BBS4: variants seen among roughly 807,000 people sequenced by gnomAD.
The protein encoded by BBS4 is BBSome complex member BBS4.
In BBS4, 58 loss-of-function variants were observed where a neutral mutation model predicts 71.4. That is an observed-to-expected ratio of 0.81 (90% CI 0.66 to 1.01). BBS4 has a LOEUF of 1.01. Among genes scored for constraint, BBS4 ranks in the 50% least tolerant of loss-of-function variants. BBS4 has a pLI of 0.00. For synonymous variants in BBS4, 228 were observed against 216.8 expected, an observed-to-expected ratio of 1.05 and a Z score of -0.46; for missense variants, 660 against 607.9, an observed-to-expected ratio of 1.09 and a Z score of -0.90.
At chr15:72,731,802 AG>A (rs2065830969) in intron 12 of BBS4, 76 bp downstream of exon 12, 9 of 1,566,422 alleles carry the variant, frequency 5.7e-6, no homozygotes, top group Middle Eastern at 1.7e-4. Flanking sequence ...ATAGAAGATC[AG>A]TGGCTGTCTC....
intron 10 of BBS4, among the ~76,000 whole-genome samples, chr15:72,730,422 C>T (rs1224867261): frequency 3.9e-5 from 6 of 151,948 alleles, no homozygotes; most frequent in Non-Finnish European, 8.8e-5. Flanking sequence ...CATAGTGAGA[C>T]CCCCATTTCT....
chr15:72,712,899 T>G (rs1333659474), intron 4 of BBS4, among the ~76,000 whole-genome samples: 2 of 152,242 alleles, frequency 1.3e-5, no homozygotes, highest in Non-Finnish European at 1.5e-5. Flanking sequence ...CTTTTTACTT[T>G]ATAAACTTTA....
rs190650988 is a variant in BBS4, at chr15:72,699,917, T to C, written c.76+4689T>C. On this transcript the variant is annotated intron_variant, in intron 2 of 15. Coordinates refer to ENST00000268057, the MANE Select transcript of BBS4 (RefSeq NM_033028.5). ...ATGAGTATTTGCAATGTTTCCAGTTTTTGAGTACTGTGAAAGTTTCTATGA... is the reference window on the plus strand; with the variant it reads ...ATGAGTATTTGCAATGTTTCCAGTTCTTGAGTACTGTGAAAGTTTCTATGA... Among the ~76,000 whole-genome samples, 125 of 152,292 alleles carry C rather than the reference T, an allele frequency of 8.2e-4. 1 individual carries two copies. Among genetic ancestry groups the C allele is most frequent in the African/African-American group, 2.9e-3 (120 of 41,566 alleles).
At chr15:72,719,565 A>C (rs747255546) in intron 6 of BBS4, among the ~76,000 whole-genome samples, 4 of 151,876 alleles carry the variant, frequency 2.6e-5, no homozygotes, top group African/African-American at 7.3e-5. Context: ...ACTGAGCAGA[A>C]GAAGAGAACC....
At chr15:72,688,200 C>T (rs1385082052) in intron 1 of BBS4, among the ~76,000 whole-genome samples, 1 of 151,812 alleles carries the variant, frequency 6.6e-6, no homozygotes, top group Non-Finnish European at 1.5e-5. Flanking sequence ...TCTGTGACGG[C>T]AGAATTGTCA....
intron 9 of BBS4, 53 bp from the exon 10 acceptor site, chr15:72,729,563 T>C (rs2065771560): frequency 1.3e-6 from 2 of 1,574,568 alleles, no homozygotes; most frequent in Admixed American, 3.3e-5. Context: ...CCAGACTCTT[T>C]TAACTGCCGT....
At chr15:72,687,498 G>A (rs1206107225) in intron 1 of BBS4, among the ~76,000 whole-genome samples, 1 of 151,656 alleles carries the variant, frequency 6.6e-6, no homozygotes, top group African/African-American at 2.4e-5. Context: ...CAGGTACCTG[G>A]AAGGCTGAGG....
chr15:72,700,939 G>A (rs1484759400), intron 2 of BBS4, among the ~76,000 whole-genome samples: 3 of 151,864 alleles, frequency 2.0e-5, no homozygotes, highest in Admixed American at 6.6e-5. Context: ...GTCTAATTTG[G>A]CTCAATCAGT....
intron 7 of BBS4, among the ~76,000 whole-genome samples, chr15:72,723,163 T>C (rs1011569514): frequency 7.2e-5 from 11 of 152,198 alleles, no homozygotes; most frequent in African/African-American, 2.7e-4. Flanking sequence ...TATCAAAAAG[T>C]GGACCCTTAA....
At chr15:72,713,361 G>A (rs371111534) in intron 4 of BBS4, among the ~76,000 whole-genome samples, 3,926 of 103,300 alleles carry the variant, frequency 0.038, 56 homozygotes, top group Non-Finnish European at 0.053. Flanking sequence ...GCACACGCAC[G>A]CACGCACTGG....
rs771953043 is a variant in BBS4, at chr15:72,737,585, TAAGAA to T, written c.1559_*3del. Reference sequence around the variant, plus strand: ...AACATCAGAACAAATAAGAGAGAAATAAGAATAGAATGAATGACCCCAAAATAGGG... The same window carrying T: ...AACATCAGAACAAATAAGAGAGAAATTAGAATGAATGACCCCAAAATAGGG... On this transcript the variant is annotated stop_lost and 3_prime_UTR_variant, in exon 16 of 16. Coordinates refer to ENST00000268057, the MANE Select transcript of BBS4 (RefSeq NM_033028.5). The T allele has an allele frequency of 1.9e-6, 3 of 1,601,682 alleles. No homozygotes were observed. Among genetic ancestry groups the T allele is most frequent in the Admixed American group, 1.7e-5 (1 of 58,694 alleles).
chr15:72,704,567 G>C (rs967238050), intron 2 of BBS4: 1 of 686,256 alleles, frequency 1.5e-6, no homozygotes. Context: ...ATGATAAGTA[G>C]ATAATAATGG....
intron 6 of BBS4, among the ~76,000 whole-genome samples, chr15:72,719,959 C>T (rs371183269): frequency 6.6e-6 from 1 of 151,854 alleles, no homozygotes; most frequent in South Asian, 2.1e-4. Context: ...CCATGTTGGT[C>T]AGGCTGGTCT....
chr15:72,718,044 T>C (rs1396002276), intron 6 of BBS4, among the ~76,000 whole-genome samples: 1 of 152,168 alleles, frequency 6.6e-6, no homozygotes, highest in Non-Finnish European at 1.5e-5. Flanking sequence ...AGACGGGGTT[T>C]CACCATGTTG....
At chr15:72,709,671 T>G in intron 2 of BBS4, 29 bp from the exon 3 acceptor site, 1 of 1,510,652 alleles carries the variant, frequency 6.6e-7, no homozygotes, top group Admixed American at 1.7e-5. Context: ...ATGACTGTGT[T>G]GTTTGTTTTG....
chr15:72,737,518 TC>T lies in BBS4; in HGVS notation c.1493del (p.Pro498LeufsTer19), dbSNP rs777455492. The part of the protein sequence containing the change: ...TSQFTKPPSL[P>X]LEPEPAVESS... ...CCCAGTTCACAAAGCCCCCATCTCT[TC>T]CTCTGGAGCCAGAGCCTGCGGTGGA... On this transcript the variant is annotated frameshift_variant, in exon 16 of 16. Transcript: ENST00000268057. LOFTEE classifies it high-confidence loss of function. 107 of 1,613,088 alleles carry T rather than the reference TC, an allele frequency of 6.6e-5. No homozygotes were observed. The highest frequency in any genetic ancestry group is 8.8e-5 in the Non-Finnish European group (104 of 1,179,678).
At position 72,736,947 on chromosome 15, in the gene BBS4, C is replaced by T; in HGVS notation, c.1434C>T (p.Tyr478=). 1 of 1,614,166 alleles carries T rather than the reference C, an allele frequency of 6.2e-7. No homozygotes were observed. The highest frequency in any genetic ancestry group is 8.5e-7 in the Non-Finnish European group (1 of 1,180,024). The change falls in exon 15 of 16, where the codon TAC becomes TAT. Residue 478 remains tyrosine, a synonymous_variant. Coordinates refer to ENST00000268057, the MANE Select transcript of BBS4 (RefSeq NM_033028.5). The part of the protein sequence containing the change: ...LGQAMSSAAA[Y]RTLPSGAGGT... ...AGGCAATGTCTTCAGCAGCTGCATACAGGACGCTCCCCTCAGGTAGGACCA... is the reference window on the plus strand; with the variant it reads ...AGGCAATGTCTTCAGCAGCTGCATATAGGACGCTCCCCTCAGGTAGGACCA...
At chr15:72,686,799 G>A (rs2064853444) in intron 1 of BBS4, 2 of 352,322 alleles carry the variant, frequency 5.7e-6, no homozygotes, top group Admixed American at 3.8e-5. Flanking sequence ...TGACCTAGTC[G>A]CTATTTTTTG....
chr15:72,688,323 A>C (rs28657393), intron 1 of BBS4, among the ~76,000 whole-genome samples: 1 of 150,104 alleles, frequency 6.7e-6, no homozygotes, highest in Non-Finnish European at 1.5e-5. Context: ...TATTGCTAGT[A>C]GTGTTACGTT....
Sources: allele counts gnomAD v4.1 joint callset (sites outside exome capture counted in the v4.1 genomes callset), GRCh38; gene constraint gnomAD v4.1.1; transcripts MANE v1.5; gene names NCBI Gene and HGNC (gene_info 2026-07-23, HGNC 2026-07-21).